CD8B2: variants seen among roughly 807,000 people sequenced by gnomAD.
CD8B2 encodes the protein CD8B family member 2.
A neutral mutation model predicts 23.7 loss-of-function variants in CD8B2; 11 were observed. That is an observed-to-expected ratio of 0.46 (90% CI 0.29 to 0.77). CD8B2 has a LOEUF of 0.77. Among genes scored for constraint, CD8B2 ranks in the 30% least tolerant of loss-of-function variants. The probability of loss-of-function intolerance (pLI) is 0.09; values close to 1 mark genes in which losing one functional copy is unlikely to be tolerated. For synonymous variants in CD8B2, 90 were observed against 109.3 expected, an observed-to-expected ratio of 0.82 and a Z score of 1.10; for missense variants, 197 against 270.5, an observed-to-expected ratio of 0.73 and a Z score of 1.91.
chr2:106,487,537 G>A (rs1679100532), intron 1 of CD8B2, 68 bp downstream of exon 1: 4 of 952,614 alleles, frequency 4.2e-6, no homozygotes, highest in Non-Finnish European at 5.5e-6. Flanking sequence ...GGTGATACGT[G>A]GCTGTCCTGG....
At chr2:106,523,557 T>TG (rs1004923087) in intron 5 of CD8B2, among the ~76,000 whole-genome samples, 43 of 152,154 alleles carry the variant, frequency 2.8e-4, no homozygotes, top group African/African-American at 1.0e-3. Flanking sequence ...TCCTGTGTGA[T>TG]GCACTGGGGG....
At chr2:106,538,861 G>C (rs1420309451) in intron 5 of CD8B2, among the ~76,000 whole-genome samples, 1 of 152,094 alleles carries the variant, frequency 6.6e-6, no homozygotes, top group Non-Finnish European at 1.5e-5. Context: ...TCCTCATCAG[G>C]CCGGGCACTG....
chr2:106,517,399 G>A (rs1340796327), intron 5 of CD8B2, among the ~76,000 whole-genome samples: 1 of 152,070 alleles, frequency 6.6e-6, no homozygotes, highest in African/African-American at 2.4e-5. Flanking sequence ...AGGCCCTGCT[G>A]ACATTTTTGT....
intron 5 of CD8B2, among the ~76,000 whole-genome samples, chr2:106,532,214 G>A (rs910377745): frequency 2.6e-5 from 4 of 152,184 alleles, no homozygotes; most frequent in African/African-American, 9.7e-5. Flanking sequence ...ATCCCATTAC[G>A]ACTGGTTGTT....
intron 5 of CD8B2, among the ~76,000 whole-genome samples, chr2:106,533,575 T>G (rs750204783): frequency 2.6e-5 from 4 of 152,086 alleles, no homozygotes; most frequent in Non-Finnish European, 5.9e-5. Context: ...CATCCCCTCC[T>G]TACTGCACAG....
At chr2:106,543,836 T>G (rs74571432) in intron 5 of CD8B2, among the ~76,000 whole-genome samples, 7,288 of 152,284 alleles carry the variant, frequency 0.048, 227 homozygotes, top group Middle Eastern at 0.13. Context: ...CAGTTTATAT[T>G]TCAAGCTTTC....
At chr2:106,528,165 T>C (rs1679941443) in intron 5 of CD8B2, among the ~76,000 whole-genome samples, 1 of 152,234 alleles carries the variant, frequency 6.6e-6, no homozygotes, top group Admixed American at 6.5e-5. Context: ...TAGCCTTGTG[T>C]ATATTGACTT....
intron 2 of CD8B2, among the ~76,000 whole-genome samples, chr2:106,494,947 T>C (rs976985170): frequency 5.3e-5 from 8 of 152,170 alleles, no homozygotes; most frequent in African/African-American, 1.9e-4. Context: ...CGTGGTACTC[T>C]ACATGCAGAA....
intron 5 of CD8B2, among the ~76,000 whole-genome samples, chr2:106,527,823 A>AAACC (rs1164529351): frequency 2.0e-5 from 3 of 151,756 alleles, no homozygotes; most frequent in Admixed American, 6.6e-5. Context: ...ACAAACAAAC[A>AAACC]AACAAAAAGA....
chr2:106,515,755 G>GGAT (rs1679719047), downstream of CD8B2, among the ~76,000 whole-genome samples: 1 of 152,136 alleles, frequency 6.6e-6, no homozygotes, highest in African/African-American at 2.4e-5. Context: ...AGGATCAACA[G>GGAT]CATCAAGAAA....
chr2:106,537,281 T>C (rs1486477178), intron 5 of CD8B2, among the ~76,000 whole-genome samples: 1 of 152,138 alleles, frequency 6.6e-6, no homozygotes, highest in Non-Finnish European at 1.5e-5. Context: ...CACAAGGTCA[T>C]CAGATGATGT....
intron 5 of CD8B2, among the ~76,000 whole-genome samples, chr2:106,529,689 T>C (rs1478671559): frequency 6.6e-6 from 1 of 152,206 alleles, no homozygotes; most frequent in Non-Finnish European, 1.5e-5. Flanking sequence ...ATACCAAGCT[T>C]GCCACAAGGG....
At chr2:106,536,695 G>T (rs1325140398) in intron 5 of CD8B2, among the ~76,000 whole-genome samples, 1 of 152,204 alleles carries the variant, frequency 6.6e-6, no homozygotes, top group Non-Finnish European at 1.5e-5. Flanking sequence ...ATGAGGTGCA[G>T]GTGCATCTCA....
intron 5 of CD8B2, among the ~76,000 whole-genome samples, chr2:106,543,705 A>G (rs1376924146): frequency 6.6e-6 from 1 of 152,178 alleles, no homozygotes; most frequent in Admixed American, 6.6e-5. Flanking sequence ...GAAACAAAAT[A>G]TCCAAAGCCT....
intron 3 of CD8B2, among the ~76,000 whole-genome samples, chr2:106,500,521 A>AAAATAAATAAAT (rs61641919): frequency 0.017 from 2,336 of 141,522 alleles, 2 homozygotes; most frequent in African/African-American, 0.022. Flanking sequence ...CTCCGTCTCA[A>AAAATAAATAAAT]AAATAAATAA....
intron 3 of CD8B2, among the ~76,000 whole-genome samples, chr2:106,498,524 G>A (rs1400775921): frequency 6.6e-6 from 1 of 152,170 alleles, no homozygotes; most frequent in African/African-American, 2.4e-5. Context: ...AGGTTGTTAA[G>A]AATAACCCGG....
chr2:106,531,084 T>C (rs900160358), intron 5 of CD8B2, among the ~76,000 whole-genome samples: 2 of 152,240 alleles, frequency 1.3e-5, no homozygotes, highest in African/African-American at 4.8e-5. Context: ...TTTACCCTAC[T>C]GACTCACCCT....
chr2:106,502,340 A>T, intron 3 of CD8B2, 134 bp from the exon 4 acceptor site: 1 of 587,272 alleles, frequency 1.7e-6, no homozygotes, highest in Non-Finnish European at 3.1e-6. Context: ...AACATACATT[A>T]CATCGAAATA....
chr2:106,543,199 G>A (rs1680204401), intron 5 of CD8B2: 1 of 152,168 alleles, frequency 6.6e-6, no homozygotes, highest in Non-Finnish European at 1.5e-5. Flanking sequence ...CAGCTACAAA[G>A]TCCTGCAAGT....
Sources: gnomAD v4.1 joint callset for allele counts (sites outside exome capture counted in the v4.1 genomes callset) on GRCh38, gnomAD v4.1.1 for gene constraint, MANE v1.5 for transcripts, NCBI Gene and HGNC (gene_info 2026-07-23, HGNC 2026-07-21) for gene names.